Variants in ZNF207 observed in about 807,000 individuals in gnomAD.
ZNF207 encodes zinc finger protein 207.
In ZNF207, 24 loss-of-function variants were observed where a neutral mutation model predicts 60.2. The ratio of observed to expected loss-of-function variants is 0.40; its 90% CI spans 0.29 to 0.56. The LOEUF is 0.56. ZNF207 is among the 20% of genes least tolerant of loss of function. The pLI is 0.49. For missense variants in ZNF207, 452 were observed against 636.6 expected (o/e 0.71, Z 3.12); for synonymous variants, 236 against 194.7 (o/e 1.21, Z -1.77).
intron 3 of ZNF207, 46 bp downstream of exon 3, chr17:32,358,687 T>A (rs1371491203): frequency 8.3e-6 from 5 of 602,820 alleles, no homozygotes; most frequent in South Asian, 5.7e-5. Context: ...TTTTTTTTAA[T>A]TTTTTTTTTT....
rs187257247 is a variant in ZNF207, at chr17:32,381,226, T to C, written c.*11467T>C. 1 of 152,330 alleles carries C rather than the reference T, an allele frequency of 6.6e-6. No individual in the cohort carries two copies. Among genetic ancestry groups the C allele is most frequent in the East Asian group, 1.9e-4 (1 of 5,178 alleles). 9.4% of individuals were successfully genotyped at this position (152,330 alleles called of 1,614,324 possible). On this transcript the variant is annotated 3_prime_UTR_variant, in exon 12 of 12. Transcript: ENST00000394670. ...TCAGGTCAATCTTCGGTCTTCACTT[T>C]TACTGGCAAGGGATTATGTGAAGAG...
In ZNF207 at chr17:32,378,824, A is replaced by G. The variant is rs1905774473; in HGVS notation, c.*9065A>G. 6.6e-6 allele frequency: 1 copy of G among 152,086 alleles called. No individual in the cohort carries two copies. The highest frequency in any genetic ancestry group is 2.4e-5 in the African/African-American group (1 of 41,442). The allele number at this position is 152,086 out of a possible 1,614,324, so 9.4% of individuals were successfully genotyped here. A position where few individuals can be genotyped will look rare whatever the true frequency, so the allele number is the denominator to read the frequency against. ...AGCACTGAGGAGGGAGGAATAAAGC[A>G]TACAAGTTAATTTCTAATTTTCGCA... On this transcript the variant is annotated 3_prime_UTR_variant, in exon 12 of 12. Transcript: ENST00000394670.
At chr17:32,356,354 T>C (rs1904505214) in intron 2 of ZNF207, among the ~76,000 whole-genome samples, 1 of 152,188 alleles carries the variant, frequency 6.6e-6, no homozygotes, top group African/African-American at 2.4e-5. Context: ...ATCATCTCTT[T>C]ATTAAGAATA....
intron 7 of ZNF207, among the ~76,000 whole-genome samples, chr17:32,364,875 A>C (rs537579487): frequency 1.2e-4 from 18 of 152,348 alleles, no homozygotes; most frequent in African/African-American, 4.1e-4. Flanking sequence ...AGTCATTAAA[A>C]GTTTTGTCAT....
intron 8 of ZNF207, among the ~76,000 whole-genome samples, chr17:32,366,170 T>C (rs1449071340): frequency 2.0e-5 from 3 of 152,210 alleles, no homozygotes; most frequent in Non-Finnish European, 4.4e-5. Context: ...TTTTTTAGAT[T>C]ATCCCTTAGA....
chr17:32,354,766 A>G (rs745491943), intron 2 of ZNF207, among the ~76,000 whole-genome samples: 12 of 151,440 alleles, frequency 7.9e-5, no homozygotes, highest in Non-Finnish European at 1.3e-4. Context: ...GACGCCTGCC[A>G]TTGTGCCTAG....
chr17:32,367,282 T>TGTATATATATATATATATATATAA (rs1905240469), intron 9 of ZNF207, among the ~76,000 whole-genome samples: 1 of 82,862 alleles, frequency 1.2e-5, no homozygotes, highest in Middle Eastern at 7.1e-3. Context: ...TATATATATA[T>TGTATATATATATATATATATATAA]ATAAAGAATA....
intron 8 of ZNF207, 40 bp downstream of exon 8, chr17:32,365,527 A>G: frequency 6.2e-7 from 1 of 1,602,308 alleles, no homozygotes; most frequent in African/African-American, 1.3e-5. Context: ...CTTATATTTA[A>G]AGATAAAGTA....
At chr17:32,367,303 A>G (rs1374876534) in intron 9 of ZNF207, among the ~76,000 whole-genome samples, 1 of 137,130 alleles carries the variant, frequency 7.3e-6, no homozygotes, top group East Asian at 2.3e-4. Context: ...CTACTAAAGG[A>G]TGTATTTTTA....
rs1176021375 is a variant in ZNF207 at position 32,351,663 on chromosome 17, G to A, written c.42-123G>A. On this transcript the variant is annotated intron_variant, in intron 1 of 11. Coordinates refer to ENST00000394670, the MANE Select transcript of ZNF207 (RefSeq NM_001098507.2). ...CCTAATTGTGTAATAAATATAAAAAGCAGAGTTTCTATACAGTACCATTTT... is the reference window on the plus strand; with the variant it reads ...CCTAATTGTGTAATAAATATAAAAAACAGAGTTTCTATACAGTACCATTTT... The A allele has an allele frequency of 1.9e-6, 3 of 1,586,276 alleles. No homozygotes were observed. The African/African-American group carries it at 4.0e-5, about 21-fold the overall frequency.
chr17:32,365,671 TA>T lies in ZNF207; in HGVS notation c.828+188del, dbSNP rs554720948. 49 of 386,466 alleles carry T rather than the reference TA, an allele frequency of 1.3e-4. 1 individual carries two copies. The South Asian group carries it at 3.6e-3, about 29-fold the overall frequency. 23.9% of individuals were successfully genotyped at this position (386,466 alleles called of 1,614,324 possible). The stretch of plus-strand genomic sequence containing the variant: ...TTTACACACTGATTTCCTCTACCCA[TA>T]AAAGGTTGAACGGAGCCAAAGTTAG... On this transcript the variant is annotated intron_variant, in intron 8 of 11. Transcript: ENST00000394670.
Position 32,380,597 on chromosome 17 carries a change from A to T in ZNF207, c.*10838A>T, listed in dbSNP as rs1361077227. ...ATAGGCAGCTATCAAAAATGGAAAAAATCTTGTGCTCTTTCTGGAATATTA... is the reference window on the plus strand; with the variant it reads ...ATAGGCAGCTATCAAAAATGGAAAATATCTTGTGCTCTTTCTGGAATATTA... On this transcript the variant is annotated 3_prime_UTR_variant, in exon 12 of 12. Transcript: ENST00000394670. 3.3e-5 allele frequency: 5 copies of T among 152,220 alleles called. No individual in the cohort carries two copies. Among genetic ancestry groups the T allele is most frequent in the Non-Finnish European group, 7.3e-5 (5 of 68,034 alleles). The allele number at this position is 152,220 out of a possible 1,614,324, so 9.4% of individuals were successfully genotyped here.
At chr17:32,366,528 CT>C in intron 8 of ZNF207, 136 bp from the exon 9 acceptor site, 1 of 542,764 alleles carries the variant, frequency 1.8e-6, no homozygotes, top group Non-Finnish European at 3.0e-6. Flanking sequence ...AACTGCCTGC[CT>C]TTTAAAATAA....
intron 2 of ZNF207, among the ~76,000 whole-genome samples, chr17:32,354,271 A>C (rs1217189131): frequency 6.7e-6 from 1 of 150,106 alleles, no homozygotes; most frequent in Admixed American, 6.6e-5. Flanking sequence ...TGAGCCACTG[A>C]GCCCGGCCAT....
intron 2 of ZNF207, among the ~76,000 whole-genome samples, chr17:32,352,323 CACTT>C (rs752366314): frequency 7.3e-5 from 11 of 150,488 alleles, no homozygotes; most frequent in Admixed American, 2.6e-4. Context: ...TTTTTTTGTT[CACTT>C]ACTTACTGCA....
At position 32,374,892 on chromosome 17, in the gene ZNF207, T is replaced by C. The variant is rs1905625339; in HGVS notation, c.*5133T>C. On this transcript the variant is annotated 3_prime_UTR_variant, in exon 12 of 12. Coordinates refer to ENST00000394670, the MANE Select transcript of ZNF207 (RefSeq NM_001098507.2). ...CAGTGTTTTACGCACATGTGAAAAGTATCCACATTTGTTTCCAACTAAAAT... is the reference window on the plus strand; with the variant it reads ...CAGTGTTTTACGCACATGTGAAAAGCATCCACATTTGTTTCCAACTAAAAT... 6.6e-6 allele frequency: 1 copy of C among 152,252 alleles called. No homozygotes were observed. Among genetic ancestry groups the C allele is most frequent in the African/African-American group, 2.4e-5 (1 of 41,476 alleles). 9.4% of individuals were successfully genotyped at this position (152,252 alleles called of 1,614,324 possible). A position where few individuals can be genotyped will look rare whatever the true frequency, so the allele number is the denominator to read the frequency against.
chr17:32,360,190 A>C (rs1407105835), intron 3 of ZNF207, among the ~76,000 whole-genome samples: 3 of 136,016 alleles, frequency 2.2e-5, no homozygotes, highest in African/African-American at 2.7e-5. Context: ...CCCCCCCAAA[A>C]AAAAAAAAAA....
rs1255924873 is a variant in ZNF207, at chr17:32,369,895, T to C, written c.*136T>C. The C allele has an allele frequency of 9.9e-7, 1 of 1,013,462 alleles. No individual in the cohort carries two copies. Among genetic ancestry groups the C allele is most frequent in the African/African-American group, 1.7e-5 (1 of 60,226 alleles). 62.8% of individuals were successfully genotyped at this position (1,013,462 alleles called of 1,614,324 possible). ...TATCTTCCCACATACCAGGAACTATTGGACATTTATTTTACATGGGAAAAA... is the reference window on the plus strand; with the variant it reads ...TATCTTCCCACATACCAGGAACTATCGGACATTTATTTTACATGGGAAAAA... On this transcript the variant is annotated 3_prime_UTR_variant, in exon 12 of 12. Coordinates refer to ENST00000394670, the MANE Select transcript of ZNF207 (RefSeq NM_001098507.2).
intron 2 of ZNF207, among the ~76,000 whole-genome samples, chr17:32,356,640 A>C (rs965657758): frequency 6.6e-6 from 1 of 152,200 alleles, no homozygotes; most frequent in Non-Finnish European, 1.5e-5. Flanking sequence ...AAATATATCT[A>C]AGTCATTAGC....
Sources: gnomAD v4.1 joint callset for allele counts (sites outside exome capture counted in the v4.1 genomes callset) on GRCh38, gnomAD v4.1.1 for gene constraint, MANE v1.5 for transcripts, NCBI Gene and HGNC (gene_info 2026-07-23, HGNC 2026-07-21) for gene names.